DYNC2H1: variants seen among roughly 807,000 people sequenced by gnomAD.
The protein encoded by DYNC2H1 is dynein cytoplasmic 2 heavy chain 1.
A neutral mutation model predicts 570.0 loss-of-function variants in DYNC2H1; 410 were observed. The ratio of observed to expected loss-of-function variants is 0.72; its 90% CI spans 0.66 to 0.78. The LOEUF (loss-of-function observed/expected upper bound fraction) is 0.78, where lower values mean the gene tolerates loss of function less well. Among genes scored for constraint, DYNC2H1 ranks in the 30% least tolerant of loss-of-function variants. The pLI, the probability that DYNC2H1 is intolerant of heterozygous loss-of-function variation, is 0.00. For synonymous variants in DYNC2H1, 1,688 were observed against 1,677.6 expected, an observed-to-expected ratio of 1.01 and a Z score of -0.15; for missense variants, 4,865 against 5,046.4, an observed-to-expected ratio of 0.96 and a Z score of 1.09.
intron 88 of DYNC2H1, 71 bp from the exon 89 acceptor site, chr11:103,479,024 C>T: frequency 1.3e-6 from 2 of 1,513,314 alleles, no homozygotes; most frequent in Non-Finnish European, 1.8e-6. Flanking sequence ...ATGTTTGTTT[C>T]CTTGGTTATC....
chr11:103,433,040 A>G (rs944540128), intron 84 of DYNC2H1, among the ~76,000 whole-genome samples: 1 of 152,146 alleles, frequency 6.6e-6, no homozygotes, highest in Non-Finnish European at 1.5e-5. Flanking sequence ...TAATTTATTC[A>G]TAAAGCACCA....
intron 70 of DYNC2H1, among the ~76,000 whole-genome samples, chr11:103,260,215 T>A (rs1865215861): frequency 6.6e-6 from 1 of 152,188 alleles, no homozygotes; most frequent in South Asian, 2.1e-4. Context: ...TTCTAAATAT[T>A]CCAGTGGTCA....
chr11:103,385,849 C>T (rs1180035962), intron 83 of DYNC2H1, among the ~76,000 whole-genome samples: 1 of 152,140 alleles, frequency 6.6e-6, no homozygotes, highest in Non-Finnish European at 1.5e-5. Context: ...AACCATTTTT[C>T]TCTACCCCTT....
intron 82 of DYNC2H1, among the ~76,000 whole-genome samples, chr11:103,337,961 T>A (rs1004977722): frequency 5.9e-5 from 9 of 152,238 alleles, no homozygotes; most frequent in African/African-American, 2.2e-4. Context: ...TCCAGATTAG[T>A]GTCCTGAAGC....
chr11:103,329,556 A>G (rs948369124), intron 82 of DYNC2H1, among the ~76,000 whole-genome samples: 3 of 152,180 alleles, frequency 2.0e-5, no homozygotes, highest in African/African-American at 7.2e-5. Context: ...GGCAAAATGT[A>G]AGTAATCTAA....
In DYNC2H1 at chr11:103,319,488, T is replaced by C. The variant is rs1420457050; in HGVS notation, c.11726-1541T>C. ...TAGACACTATCTCAGTTTATTCGAA[T>C]ATCCAGAAGTTTAAATTACAAAAGC... On this transcript the variant is annotated intron_variant, in intron 80 of 88. Transcript: ENST00000375735. This position sits in a 1 kb window ranked among gnomAD's most constrained non-coding sequence, Gnocchi z 4.3. Among the ~76,000 whole-genome samples the C allele has an allele frequency of 6.6e-6, 1 of 152,154 alleles. No individual in the cohort carries two copies. Among genetic ancestry groups the C allele is most frequent in the East Asian group, 1.9e-4 (1 of 5,194 alleles).
At chr11:103,407,533 T>C (rs148255126) in intron 84 of DYNC2H1, 53 of 152,104 alleles carry the variant, frequency 3.5e-4, no homozygotes, top group African/African-American at 1.3e-3. Flanking sequence ...TCATAGAAGA[T>C]ATGAATTGTT....
rs932482548 is a variant in DYNC2H1 at position 103,261,970 on chromosome 11, T to G, written c.10695+1993T>G. Among the ~76,000 whole-genome samples, 4 of 152,118 alleles carry G rather than the reference T, an allele frequency of 2.6e-5. No individual in the cohort carries two copies. The highest frequency in any genetic ancestry group is 7.2e-5 in the African/African-American group (3 of 41,418). ...AACCTTGAAAAAAGGTTAGAGGAAT[T>G]GCTAACTAGAATAACCAGTTTAGAG... is the stretch of plus-strand genomic sequence containing the variant. On this transcript the variant is annotated intron_variant, in intron 70 of 88. Transcript: ENST00000375735. This position sits in a 1 kb window ranked among gnomAD's most constrained non-coding sequence, Gnocchi z 4.8.
chr11:103,380,400 T>G (rs1941592762), intron 83 of DYNC2H1, among the ~76,000 whole-genome samples: 1 of 152,340 alleles, frequency 6.6e-6, no homozygotes, highest in Non-Finnish European at 1.5e-5. Flanking sequence ...TATTAGATGC[T>G]AGTGATTTAC....
chr11:103,140,360 T>C (rs2134811013), intron 17 of DYNC2H1, among the ~76,000 whole-genome samples: 1 of 152,240 alleles, frequency 6.6e-6, no homozygotes, highest in African/African-American at 2.4e-5. Flanking sequence ...CAGTTGTTCC[T>C]TTCCATGTTG....
chr11:103,254,920 C>T lies in DYNC2H1; in HGVS notation c.10207-495C>T, dbSNP rs906762511. The stretch of plus-strand genomic sequence containing the variant: ...CCGAGTAGCTGGGATTACAGGCGCC[C>T]ACCACCACGCCTGGCTAATTTTTTG... On this transcript the variant is annotated intron_variant, in intron 66 of 88. Coordinates refer to ENST00000375735, the MANE Select transcript of DYNC2H1 (RefSeq NM_001377.3). The surrounding 1 kb of genome is among the most constrained non-coding windows in gnomAD (Gnocchi z 4.9). Among the ~76,000 whole-genome samples, 5 of 151,652 alleles carry T rather than the reference C, an allele frequency of 3.3e-5. No individual in the cohort carries two copies. Among genetic ancestry groups the T allele is most frequent in the African/African-American group, 1.2e-4 (5 of 41,268 alleles).
At chr11:103,266,281 C>T (rs1442463770) in intron 70 of DYNC2H1, among the ~76,000 whole-genome samples, 3 of 151,972 alleles carry the variant, frequency 2.0e-5, no homozygotes, top group Non-Finnish European at 4.4e-5. Context: ...GTGGGGGAGG[C>T]AGCACAGCTG....
Position 103,305,765 on chromosome 11 carries a change from A to G in DYNC2H1, c.11382+1045A>G, listed in dbSNP as rs750435749. Among the ~76,000 whole-genome samples, 3 of 152,152 alleles carry G rather than the reference A, an allele frequency of 2.0e-5. No individual in the cohort carries two copies. Among genetic ancestry groups the G allele is most frequent in the Non-Finnish European group, 4.4e-5 (3 of 68,022 alleles). ...AATGAGTGAGTGAATGAGTTGATGG[A>G]CCATGGTGATTCGTGATTCATTACT... is the stretch of plus-strand genomic sequence containing the variant. On this transcript the variant is annotated intron_variant, in intron 77 of 88. Coordinates refer to ENST00000375735, the MANE Select transcript of DYNC2H1 (RefSeq NM_001377.3). This position sits in a 1 kb window ranked among gnomAD's most constrained non-coding sequence, Gnocchi z 4.3.
rs1377511495 is a variant in DYNC2H1 at position 103,170,207 on chromosome 11, C to T, written c.5068C>T (p.Pro1690Ser). 4 of 1,612,738 alleles carry T rather than the reference C, an allele frequency of 2.5e-6. No homozygotes were observed. The highest frequency in any genetic ancestry group is 3.4e-6 in the Non-Finnish European group (4 of 1,179,332). Residue 1690 changes from proline to serine, a missense_variant, in exon 33 of 89, where the codon CCA (proline) becomes TCA (serine). Pro to Ser is a moderately conservative substitution (Grantham distance 74). Coordinates refer to ENST00000375735, the MANE Select transcript of DYNC2H1 (RefSeq NM_001377.3). The surrounding 1 kb of genome is among the most constrained non-coding windows in gnomAD (Gnocchi z 4.8). ...KMGLGGNPYG[P>S]AGTGKTESVK... ...GGGACTTGGAGGAAATCCTTATGGA[C>T]CAGCTGGAACTGGGAAAACGGAATC...
chr11:103,253,207 TA>T (rs1864906513), intron 65 of DYNC2H1, 77 bp from the exon 66 acceptor site: 1 of 1,422,576 alleles, frequency 7.0e-7, no homozygotes, highest in Non-Finnish European at 9.4e-7. Flanking sequence ...TAGAAGTACT[TA>T]AAAATTATAT....
chr11:103,226,520 T>C (rs1244698484), intron 59 of DYNC2H1, among the ~76,000 whole-genome samples: 1 of 152,238 alleles, frequency 6.6e-6, no homozygotes, highest in African/African-American at 2.4e-5. Flanking sequence ...ATCACATTTA[T>C]CGACTTAACG....
At chr11:103,365,834 A>T (rs575013784) in intron 83 of DYNC2H1, among the ~76,000 whole-genome samples, 1 of 152,320 alleles carries the variant, frequency 6.6e-6, no homozygotes, top group South Asian at 2.1e-4. Context: ...GAAGAAGTGG[A>T]GCTTATGAAT....
chr11:103,255,480 A>G lies in DYNC2H1; in HGVS notation c.10272A>G (p.Gln3424=). ...DLEEQKTKLL[Q]QEEDKKIQLA... ...AAGAACAGAAAACAAAACTATTACA[A>G]CAGGAAGAAGATAAGAAAATACAGC... Residue 3424 remains glutamine (Q), a synonymous_variant, in exon 67 of 89, where the codon CAA becomes CAG. Coordinates refer to ENST00000375735, the MANE Select transcript of DYNC2H1 (RefSeq NM_001377.3). The G allele has an allele frequency of 6.4e-7, 1 of 1,569,038 alleles. No individual in the cohort carries two copies. Among genetic ancestry groups the G allele is most frequent in the East Asian group, 2.3e-5 (1 of 42,872 alleles).
Position 103,121,359 on chromosome 11 carries a change from T to G in DYNC2H1, c.1361-13T>G. On this transcript the variant is annotated splice_polypyrimidine_tract_variant and intron_variant, in intron 9 of 88. Transcript: ENST00000375735. ...AATTCTTTGTAATCATTTATTTGATTTAAATTTTATAGATTTTCGATTAGA... is the reference window on the plus strand; with the variant it reads ...AATTCTTTGTAATCATTTATTTGATGTAAATTTTATAGATTTTCGATTAGA... The G allele has an allele frequency of 6.3e-7, 1 of 1,581,848 alleles. No homozygotes were observed. Among genetic ancestry groups the G allele is most frequent in the South Asian group, 1.2e-5 (1 of 86,202 alleles).
Sources: gnomAD v4.1 joint callset for allele counts (sites outside exome capture counted in the v4.1 genomes callset) on GRCh38, gnomAD v4.1.1 for gene constraint, Gnocchi (gnomAD v3.1) non-coding constraint, MANE v1.5 for transcripts, NCBI Gene and HGNC (gene_info 2026-07-23, HGNC 2026-07-21) for gene names.